The following LARP1 variants were observed in gnomAD, a reference collection of about 807,000 sequenced individuals.
LARP1 encodes La ribonucleoprotein 1, translational regulator, also known as la-related protein 1.
A neutral mutation model predicts 122.7 loss-of-function variants in LARP1; 36 were observed. The ratio of observed to expected loss-of-function variants is 0.29; its 90% CI spans 0.22 to 0.39. The LOEUF is 0.39. LARP1 is among the 10% of genes least tolerant of loss of function. The pLI is 1.00. For synonymous variants in LARP1, 539 were observed against 528.7 expected (o/e 1.02, Z -0.27); for missense variants, 1,040 against 1,403.6 (o/e 0.74, Z 4.14).
In LARP1 at chr5:154,814,063, C is replaced by G. The variant is rs201180379; in HGVS notation, c.3258C>G (p.Ser1086Arg). The change falls in exon 19 of 19, where the codon AGC (serine) becomes AGG (arginine). Residue 1086 changes from serine to arginine, a missense_variant. Around this residue, in one of 8 missense-constraint regions of LARP1, gnomAD observed 129 missense variants for 160.8 expected, o/e 0.80. Coordinates refer to ENST00000518297, the MANE Select transcript of LARP1 (RefSeq NM_033551.3). ...TCCGGGAAGATGCCAAATGGACAAG[C>G]CAGCACTCGAACACACAGACTTTGG... Reference protein sequence around the residue: ...QPVREDAKWTSQHSNTQTLGK With the variant: ...QPVREDAKWTRQHSNTQTLGK 3.1e-6 allele frequency: 5 copies of G among 1,614,134 alleles called. No homozygotes were observed. The highest frequency in any genetic ancestry group is 3.3e-5 in the Admixed American group (2 of 60,016).
chr5:154,796,857 T>C (rs1757902416), intron 8 of LARP1, among the ~76,000 whole-genome samples: 1 of 152,216 alleles, frequency 6.6e-6, no homozygotes, highest in African/African-American at 2.4e-5. Flanking sequence ...GTTTGCATAA[T>C]TATGAGTTGA....
rs529411958 is a variant in LARP1, at chr5:154,803,125, G to A, written c.2110-165G>A. On this transcript the variant is annotated intron_variant, in intron 11 of 18. Coordinates refer to ENST00000518297, the MANE Select transcript of LARP1 (RefSeq NM_033551.3). The surrounding 1 kb of genome is among the most constrained non-coding windows in gnomAD (Gnocchi z 4.4). ...TAGCACACTTGTGCCAAGGTAACTGGGGTGAGGAATGGTGACTGGGCAGCT... is the reference window on the plus strand; with the variant it reads ...TAGCACACTTGTGCCAAGGTAACTGAGGTGAGGAATGGTGACTGGGCAGCT... Among the ~76,000 whole-genome samples, 1 of 152,308 alleles carries A rather than the reference G, an allele frequency of 6.6e-6. No individual in the cohort carries two copies. Among genetic ancestry groups the A allele is most frequent in the African/African-American group, 2.4e-5 (1 of 41,548 alleles).
In LARP1 at chr5:154,776,221, G is replaced by A. The variant is rs146279705; in HGVS notation, c.437-14104G>A. Among the ~76,000 whole-genome samples, 112 of 152,260 alleles carry A rather than the reference G, an allele frequency of 7.4e-4. 1 individual carries two copies. The East Asian group carries it at 0.017, about 23-fold the overall frequency. ...ATTTTTAGGGTAAGAGAAGCTGTTC[G>A]GCTGTGAGGCAAAAGCAGGTGGACA... On this transcript the variant is annotated intron_variant, in intron 1 of 18. Coordinates refer to ENST00000518297, the MANE Select transcript of LARP1 (RefSeq NM_033551.3).
At chr5:154,756,676 A>C (rs1331348583) in intron 1 of LARP1, among the ~76,000 whole-genome samples, 1 of 151,956 alleles carries the variant, frequency 6.6e-6, no homozygotes, top group Non-Finnish European at 1.5e-5. Flanking sequence ...CGCGGAGTAC[A>C]TGCTGGCCGC....
At chr5:154,756,297 G>T in intron 1 of LARP1, 104 bp downstream of exon 1, 1 of 957,866 alleles carries the variant, frequency 1.0e-6, no homozygotes, top group Non-Finnish European at 1.3e-6. Context: ...TACCGGTCAT[G>T]GTGACTCGGG....
Position 154,793,588 on chromosome 5 carries a change from C to T in LARP1, c.740-7C>T, listed in dbSNP as rs773845252. ...AGCCTTTCTCATGTACCCATGCTGT[C>T]TCCCAGGAAACAAACACAAGTGGGT... On this transcript the variant is annotated splice_polypyrimidine_tract_variant and splice_region_variant and intron_variant, in intron 4 of 18. Coordinates refer to ENST00000518297, the MANE Select transcript of LARP1 (RefSeq NM_033551.3). 6.2e-7 allele frequency: 1 copy of T among 1,614,150 alleles called. No homozygotes were observed. The highest frequency in any genetic ancestry group is 1.1e-5 in the South Asian group (1 of 91,076).
At chr5:154,729,524 C>T (rs548588954) in intron 1 of LARP1, 4 of 425,338 alleles carry the variant, frequency 9.4e-6, no homozygotes, top group African/African-American at 8.3e-5. Flanking sequence ...TAAGAGCTGA[C>T]ATAGCTTCCT....
chr5:154,708,109 T>A (rs1755037493), upstream of LARP1, among the ~76,000 whole-genome samples: 1 of 152,214 alleles, frequency 6.6e-6, no homozygotes, highest in Non-Finnish European at 1.5e-5. Context: ...TGAAAAGTAA[T>A]GCTCAAACTC....
At chr5:154,714,008 A>G (rs1018914031) in intron 1 of LARP1, among the ~76,000 whole-genome samples, 12 of 152,236 alleles carry the variant, frequency 7.9e-5, no homozygotes, top group Non-Finnish European at 1.6e-4. Flanking sequence ...CTAGGCCTGC[A>G]GTTCTGGTTC....
intron 1 of LARP1, among the ~76,000 whole-genome samples, chr5:154,779,323 C>G (rs1233426418): frequency 1.3e-5 from 2 of 152,086 alleles, no homozygotes; most frequent in Non-Finnish European, 2.9e-5. Context: ...TCAGTTTTGA[C>G]TCATCTGCCC....
intron 1 of LARP1, among the ~76,000 whole-genome samples, chr5:154,772,686 T>C (rs1017769849): frequency 1.3e-5 from 2 of 152,188 alleles, no homozygotes; most frequent in Non-Finnish European, 1.5e-5. Flanking sequence ...AAAATATCTT[T>C]TGTTTTGTTT....
intron 1 of LARP1, among the ~76,000 whole-genome samples, chr5:154,684,275 T>G (rs1250653881): frequency 6.6e-6 from 1 of 152,018 alleles, no homozygotes; most frequent in Non-Finnish European, 1.5e-5. Context: ...GAGATCCCTA[T>G]CTCTACAAAA....
In LARP1 at chr5:154,799,679, T is replaced by C; in HGVS notation, c.1466T>C (p.Val489Ala). Residue 489 changes from valine to alanine, a missense_variant, in exon 9 of 19, where the codon GTG becomes GCG. By Grantham distance (64) the Val-to-Ala change is moderately conservative (BLOSUM62 0). Around this residue, in one of 8 missense-constraint regions of LARP1, gnomAD observed 362 missense variants for 533.1 expected, o/e 0.68. Coordinates refer to ENST00000518297, the MANE Select transcript of LARP1 (RefSeq NM_033551.3). ...GAAAAGTGGCCTCTTCCCCCAATAG[T>C]GGATTATTCACAGACTGATTTCTCC... ...EPEKWPLPPIVDYSQTDFSQL... is the reference protein window; with the variant it reads ...EPEKWPLPPIADYSQTDFSQL... 1.2e-6 allele frequency: 2 copies of C among 1,614,156 alleles called. No homozygotes were observed. The highest frequency in any genetic ancestry group is 1.7e-6 in the Non-Finnish European group (2 of 1,180,024).
rs1184140080 is a variant in LARP1, at chr5:154,795,821, ATTTATATATATAT to A, written c.1377+514_1377+526del. Among the ~76,000 whole-genome samples, 4 of 130,428 alleles carry A rather than the reference ATTTATATATATAT, an allele frequency of 3.1e-5. No homozygotes were observed. In the East Asian group the frequency reaches 6.5e-4, roughly 21 times the overall value. 85.6% of individuals were successfully genotyped at this position (130,428 alleles called of 152,430 possible). A position where few individuals can be genotyped will look rare whatever the true frequency, so the allele number is the denominator to read the frequency against. On this transcript the variant is annotated intron_variant, in intron 8 of 18. Coordinates refer to ENST00000518297, the MANE Select transcript of LARP1 (RefSeq NM_033551.3). ...TCATCCCAATTGGCGCCATATATAT[ATTTATATATATAT>A]TTTATATATATTTATATATATTTTA...
At chr5:154,716,989 G>A (rs977510654) in intron 1 of LARP1, among the ~76,000 whole-genome samples, 1 of 151,540 alleles carries the variant, frequency 6.6e-6, no homozygotes, top group Non-Finnish European at 1.5e-5. Context: ...GAGCCAGGGA[G>A]GTAGAGGTTG....
intron 8 of LARP1, among the ~76,000 whole-genome samples, chr5:154,798,968 G>A (rs139641453): frequency 4.6e-5 from 7 of 152,168 alleles, no homozygotes; most frequent in African/African-American, 1.7e-4. Flanking sequence ...GGGTTCAAGC[G>A]ATTCTCCTGC....
At chr5:154,716,628 T>C (rs1467789740) in intron 1 of LARP1, among the ~76,000 whole-genome samples, 1 of 152,154 alleles carries the variant, frequency 6.6e-6, no homozygotes, top group East Asian at 1.9e-4. Context: ...TTTGTATTTT[T>C]AGTAGAGATG....
chr5:154,696,462 A>G (rs1754474789), intron 1 of LARP1, among the ~76,000 whole-genome samples: 1 of 152,178 alleles, frequency 6.6e-6, no homozygotes, highest in Non-Finnish European at 1.5e-5. Flanking sequence ...ATTCTTAGGA[A>G]TCTCTGAATG....
At chr5:154,702,774 T>C (rs1754776453) in intron 1 of LARP1, among the ~76,000 whole-genome samples, 1 of 151,918 alleles carries the variant, frequency 6.6e-6, no homozygotes, top group Non-Finnish European at 1.5e-5. Context: ...TGAAATACAG[T>C]TTATCTACCC....
Sources: allele counts gnomAD v4.1 joint callset (sites outside exome capture counted in the v4.1 genomes callset), GRCh38; gene constraint gnomAD v4.1.1; regional missense constraint gnomAD v4.1.1; non-coding constraint Gnocchi (gnomAD v3.1); transcripts MANE v1.5; gene names NCBI Gene and HGNC (gene_info 2026-07-23, HGNC 2026-07-21).